MACROD2: variants seen among roughly 807,000 people sequenced by gnomAD.
MACROD2 encodes the protein ADP-ribose glycohydrolase MACROD2.
A neutral mutation model predicts 70.4 loss-of-function variants in MACROD2; 36 were observed. The ratio of observed to expected loss-of-function variants is 0.51; its 90% CI spans 0.39 to 0.68. The LOEUF (loss-of-function observed/expected upper bound fraction) is 0.68, where lower values mean the gene tolerates loss of function less well. Among genes scored for constraint, MACROD2 ranks in the 30% least tolerant of loss-of-function variants. The pLI is 0.00. For synonymous variants in MACROD2, 172 were observed against 178.8 expected (o/e 0.96, Z 0.30); for missense variants, 496 against 538.4 (o/e 0.92, Z 0.78).
At chr20:15,440,047 G>A (rs1251698012) in intron 7 of MACROD2, among the ~76,000 whole-genome samples, 2 of 152,110 alleles carry the variant, frequency 1.3e-5, no homozygotes, top group African/African-American at 4.8e-5. Flanking sequence ...TAACAAAAGA[G>A]GCTAGACATA....
chr20:14,331,271 CAA>C (rs2082831692), intron 3 of MACROD2, among the ~76,000 whole-genome samples: 1 of 152,086 alleles, frequency 6.6e-6, no homozygotes, highest in Non-Finnish European at 1.5e-5. Context: ...AAGGCTCTAA[CAA>C]TATGTATTGA....
chr20:14,772,419 G>A (rs935481275), intron 5 of MACROD2, among the ~76,000 whole-genome samples: 1 of 152,074 alleles, frequency 6.6e-6, no homozygotes, highest in African/African-American at 2.4e-5. Flanking sequence ...GGCCAGGGAA[G>A]CCTCACAATC....
At chr20:14,528,461 T>C (rs1414933170) in intron 4 of MACROD2, among the ~76,000 whole-genome samples, 6 of 152,042 alleles carry the variant, frequency 3.9e-5, no homozygotes, top group Non-Finnish European at 7.4e-5. Flanking sequence ...GACTGAAGTC[T>C]ACACTCCTTA....
At chr20:15,330,113 A>G (rs370944186) in intron 6 of MACROD2, among the ~76,000 whole-genome samples, 5 of 152,226 alleles carry the variant, frequency 3.3e-5, no homozygotes, top group African/African-American at 1.2e-4. Flanking sequence ...ATAAAAGTAC[A>G]CAAGCTAATC....
chr20:15,172,332 G>A (rs978703524), intron 5 of MACROD2, among the ~76,000 whole-genome samples: 9 of 152,106 alleles, frequency 5.9e-5, no homozygotes, highest in Non-Finnish European at 1.2e-4. Flanking sequence ...ACAAGTTGGG[G>A]AAGGAATATT....
At chr20:14,776,568 G>A (rs145443272) in intron 5 of MACROD2, among the ~76,000 whole-genome samples, 94 of 152,060 alleles carry the variant, frequency 6.2e-4, no homozygotes, top group Admixed American at 5.2e-3. Flanking sequence ...CAGATTTGTC[G>A]CTCAAGTCTG....
intron 8 of MACROD2, among the ~76,000 whole-genome samples, chr20:15,628,934 A>T (rs2049247576): frequency 6.6e-6 from 1 of 152,244 alleles, no homozygotes; most frequent in African/African-American, 2.4e-5. Context: ...ATGTTGTTAC[A>T]TGCAGTTGTA....
chr20:15,191,618 C>CGA (rs1204798828), intron 5 of MACROD2, among the ~76,000 whole-genome samples: 1 of 152,160 alleles, frequency 6.6e-6, no homozygotes, highest in Non-Finnish European at 1.5e-5. Context: ...TCACCTTAAA[C>CGA]GACAAATGAA....
chr20:14,786,313 C>T (rs1054725893), intron 5 of MACROD2, among the ~76,000 whole-genome samples: 3 of 150,938 alleles, frequency 2.0e-5, no homozygotes, highest in African/African-American at 7.3e-5. Flanking sequence ...TATCACCATC[C>T]GAAATTCTAA....
intron 5 of MACROD2, among the ~76,000 whole-genome samples, chr20:15,032,798 C>T (rs1600977225): frequency 2.0e-5 from 3 of 152,282 alleles, no homozygotes; most frequent in East Asian, 3.9e-4. Flanking sequence ...CAGCATTATT[C>T]ACTATAGCCA....
At chr20:14,599,696 T>C (rs1982361381) in intron 4 of MACROD2, among the ~76,000 whole-genome samples, 1 of 152,066 alleles carries the variant, frequency 6.6e-6, no homozygotes, top group South Asian at 2.1e-4. Context: ...CAGGAGGCAG[T>C]AATTGGATTC....
At chr20:15,023,680 G>A (rs1388559282) in intron 5 of MACROD2, among the ~76,000 whole-genome samples, 1 of 152,114 alleles carries the variant, frequency 6.6e-6, no homozygotes, top group Non-Finnish European at 1.5e-5. Flanking sequence ...AAAACCATCA[G>A]ATCTCGTGAA....
chr20:14,018,381 T>C (rs1269390580), intron 2 of MACROD2, among the ~76,000 whole-genome samples: 1 of 152,150 alleles, frequency 6.6e-6, no homozygotes, highest in East Asian at 1.9e-4. Flanking sequence ...AAATGAGATC[T>C]TCTTATTTAA....
intron 10 of MACROD2, among the ~76,000 whole-genome samples, chr20:15,903,257 G>T (rs545816522): frequency 2.0e-5 from 3 of 152,170 alleles, no homozygotes; most frequent in Non-Finnish European, 4.4e-5. Flanking sequence ...CAGGAGAATC[G>T]CTGGAACCCG....
chr20:15,693,259 G>T (rs751685522), intron 8 of MACROD2, among the ~76,000 whole-genome samples: 4 of 152,022 alleles, frequency 2.6e-5, no homozygotes, highest in Non-Finnish European at 5.9e-5. Flanking sequence ...CTGGCTTTGG[G>T]GCTAAACAAA....
chr20:14,614,667 T>C (rs1983373255), intron 4 of MACROD2, among the ~76,000 whole-genome samples: 1 of 152,104 alleles, frequency 6.6e-6, no homozygotes, highest in Non-Finnish European at 1.5e-5. Context: ...AACATGTTGA[T>C]GATATTTTAG....
At chr20:15,201,083 A>G (rs1238267099) in intron 5 of MACROD2, among the ~76,000 whole-genome samples, 1 of 152,148 alleles carries the variant, frequency 6.6e-6, no homozygotes, top group African/African-American at 2.4e-5. Flanking sequence ...TCTGCAAACC[A>G]TAATTTGGGT....
At chr20:15,462,474 C>G (rs932923856) in intron 7 of MACROD2, among the ~76,000 whole-genome samples, 3 of 152,134 alleles carry the variant, frequency 2.0e-5, no homozygotes, top group Non-Finnish European at 4.4e-5. Context: ...ATTTGTATAG[C>G]ATGTTTACTT....
At chr20:15,821,069 T>C (rs1040566378) in intron 8 of MACROD2, among the ~76,000 whole-genome samples, 2 of 152,194 alleles carry the variant, frequency 1.3e-5, no homozygotes, top group Non-Finnish European at 1.5e-5. Flanking sequence ...AAATATCTTC[T>C]CTGTGGTTTG....
Sources: allele counts gnomAD v4.1 joint callset (sites outside exome capture counted in the v4.1 genomes callset), GRCh38; gene constraint gnomAD v4.1.1; transcripts MANE v1.5; gene names NCBI Gene and HGNC (gene_info 2026-07-23, HGNC 2026-07-21).